The following CHGB variants were observed in gnomAD, a reference collection of about 807,000 sequenced individuals.
CHGB encodes chromogranin B.
A neutral mutation model predicts 69.9 loss-of-function variants in CHGB; 46 were observed. The observed-to-expected ratio is 0.66, with a 90% CI of 0.52 to 0.84. CHGB has a LOEUF of 0.84. CHGB is among the 40% of genes least tolerant of loss of function. The pLI is 0.00. For missense variants in CHGB, 796 were observed against 822.2 expected, an observed-to-expected ratio of 0.97 and a Z score of 0.39; for synonymous variants, 312 against 298.2, an observed-to-expected ratio of 1.05 and a Z score of -0.48.
In CHGB at chr20:5,923,659, A is replaced by G. The variant is rs768221227; in HGVS notation, c.1515A>G (p.Gln505=). Residue 505 remains glutamine (Q), a synonymous_variant, in exon 4 of 5, where the codon CAA becomes CAG. Coordinates refer to ENST00000378961, the MANE Select transcript of CHGB (RefSeq NM_001819.3). The stretch of plus-strand genomic sequence containing the variant: ...AGGAAGCTAGGTTTCAAGATAAACA[A>G]TATAGCTCCCATCACACAGCTGAAA... The part of the protein sequence containing the change: ...NREEARFQDK[Q]YSSHHTAEKR... 3.1e-6 allele frequency: 5 copies of G among 1,614,172 alleles called. No homozygotes were observed. The highest frequency in any genetic ancestry group is 4.2e-6 in the Non-Finnish European group (5 of 1,180,034).
At chr20:5,918,680 C>T (rs1441756090) in intron 3 of CHGB, among the ~76,000 whole-genome samples, 2 of 151,640 alleles carry the variant, frequency 1.3e-5, no homozygotes, top group Non-Finnish European at 2.9e-5. Flanking sequence ...GGCGTGGTGA[C>T]ACACGCCTGT....
chr20:5,920,997 C>T (rs904251866), intron 3 of CHGB, among the ~76,000 whole-genome samples: 1 of 152,034 alleles, frequency 6.6e-6, no homozygotes, highest in East Asian at 1.9e-4. Context: ...TTATCAGTGC[C>T]ACCCAATAGA....
At chr20:5,917,160 T>C in intron 3 of CHGB, 1 of 525,238 alleles carries the variant, frequency 1.9e-6, no homozygotes, top group Non-Finnish European at 3.4e-6. Flanking sequence ...CAAAGTAAAA[T>C]GAAGGAGTTG....
At position 5,911,628 on chromosome 20, in the gene CHGB, G is replaced by T. The variant is rs745962450; in HGVS notation, c.-6G>T. On this transcript the variant is annotated 5_prime_UTR_variant, in exon 1 of 5. Coordinates refer to ENST00000378961, the MANE Select transcript of CHGB (RefSeq NM_001819.3). ...CCTTTCCGCACAGGGGCCGCCGAGC[G>T]GGGCCATGCAGCCAACGCTGCTTCT... The T allele has an allele frequency of 9.2e-6, 14 of 1,516,398 alleles. No homozygotes were observed. The highest frequency in any genetic ancestry group is 2.0e-5 in the Admixed American group (1 of 49,494). 93.9% of individuals were successfully genotyped at this position (1,516,398 alleles called of 1,614,324 possible). A position where few individuals can be genotyped will look rare whatever the true frequency, so the allele number is the denominator to read the frequency against.
Position 5,923,533 on chromosome 20 carries a change from G to C in CHGB, c.1389G>C (p.Ala463=), listed in dbSNP as rs146079149. 6 of 1,614,038 alleles carry C rather than the reference G, an allele frequency of 3.7e-6. No individual in the cohort carries two copies. The highest frequency in any genetic ancestry group is 4.2e-6 in the Non-Finnish European group (5 of 1,180,046). ...MDKARRHPQG[A]WKELDRNYLN... ...AGGCAAGGAGGCATCCACAAGGTGC[G>C]TGGAAAGAGCTGGACAGAAATTATC... The change falls in exon 4 of 5, where the codon GCG becomes GCC. Residue 463 remains alanine, a synonymous_variant. Coordinates refer to ENST00000378961, the MANE Select transcript of CHGB (RefSeq NM_001819.3).
At chr20:5,913,755 G>A (rs892931838) in intron 1 of CHGB, among the ~76,000 whole-genome samples, 9 of 149,978 alleles carry the variant, frequency 6.0e-5, no homozygotes, top group African/African-American at 2.0e-4. Flanking sequence ...TCAGCCTCCC[G>A]AGTAGCTGGG....
chr20:5,912,049 T>C (rs959896205), intron 1 of CHGB, among the ~76,000 whole-genome samples: 1 of 152,196 alleles, frequency 6.6e-6, no homozygotes, highest in Non-Finnish European at 1.5e-5. Context: ...TCTGATTCTG[T>C]ATCTGTTTGG....
chr20:5,913,217 A>G (rs2088456042), intron 1 of CHGB, among the ~76,000 whole-genome samples: 1 of 152,240 alleles, frequency 6.6e-6, no homozygotes, highest in African/African-American at 2.4e-5. Flanking sequence ...CTTAATTTGT[A>G]TATCATATAA....
rs1250382725 is a variant in CHGB, at chr20:5,913,601, A to G, written c.49+1919A>G. Among the ~76,000 whole-genome samples, 5 of 146,654 alleles carry G rather than the reference A, an allele frequency of 3.4e-5. No homozygotes were observed. The South Asian group carries it at 6.5e-4, about 19-fold the overall frequency. On this transcript the variant is annotated intron_variant, in intron 1 of 4. Transcript: ENST00000378961. Reference sequence around the variant, plus strand: ...TTATTCTAGGTAAAATGGTTTCTTTATCTTTCTTTTTCTTTTCTTTTCTTT... The same window carrying G: ...TTATTCTAGGTAAAATGGTTTCTTTGTCTTTCTTTTTCTTTTCTTTTCTTT...
intron 3 of CHGB, 32 bp downstream of exon 3, chr20:5,916,951 T>A: frequency 1.3e-6 from 2 of 1,588,782 alleles, no homozygotes; most frequent in Non-Finnish European, 1.7e-6. Flanking sequence ...CAGATCTTGG[T>A]CACTGCAGTG....
rs370757045 is a variant in CHGB at position 5,923,065 on chromosome 20, C to T, written c.921C>T (p.Pro307=). 3.7e-6 allele frequency: 6 copies of T among 1,613,890 alleles called. No homozygotes were observed. The highest frequency in any genetic ancestry group is 1.3e-5 in the African/African-American group (1 of 74,890). The change falls in exon 4 of 5, where the codon CCC becomes CCT. Residue 307 remains proline, a synonymous_variant. Coordinates refer to ENST00000378961, the MANE Select transcript of CHGB (RefSeq NM_001819.3). ...TTCCCTCTGAGGAAAAGGGACACCC[C>T]CAGGAGGAATCTGAGGAGTCAAACG... ...GSLPSEEKGH[P]QEESEESNVS... is the part of the protein sequence containing the mutation.
chr20:5,923,626 A>T lies in CHGB; in HGVS notation c.1482A>T (p.Glu494Asp). ...AGGGAGACCTGCAGGACACTAAAGA[A>T]AACAGGGAGGAAGCTAGGTTTCAAG... The part of the protein sequence containing the change: ...QQQGDLQDTK[E>D]NREEARFQDK... Residue 494 changes from glutamate to aspartate, a missense_variant, in exon 4 of 5, where the codon GAA becomes GAT. Glu to Asp is a conservative substitution (Grantham distance 45, BLOSUM62 2). This residue lies in a region of CHGB where 274 missense variants were observed against 298.9 expected (regional missense o/e 0.92). Transcript: ENST00000378961. The T allele has an allele frequency of 6.2e-7, 1 of 1,614,124 alleles. No individual in the cohort carries two copies. The highest frequency in any genetic ancestry group is 8.5e-7 in the Non-Finnish European group (1 of 1,180,016).
At position 5,923,927 on chromosome 20, in the gene CHGB, C is replaced by A. The variant is rs756405420; in HGVS notation, c.1783C>A (p.Leu595Met). ...GAGAAACCTCGCCAGGGTCCCCAAG[C>A]TGGACCTGAAAAGGCAATATGACAG... is the stretch of plus-strand genomic sequence containing the variant. ...EKRNLARVPK[L>M]DLKRQYDRVA... Residue 595 changes from leucine (L) to methionine (M), a missense_variant, in exon 4 of 5, where the codon CTG (leucine) becomes ATG (methionine). Around this residue, in one of 3 missense-constraint regions of CHGB, gnomAD observed 274 missense variants for 298.9 expected, o/e 0.92. Transcript: ENST00000378961. 25 of 1,614,058 alleles carry A rather than the reference C, an allele frequency of 1.5e-5. No individual in the cohort carries two copies. The highest frequency in any genetic ancestry group is 2.1e-5 in the Non-Finnish European group (25 of 1,180,040).
In CHGB at chr20:5,911,524, A is replaced by T; in HGVS notation, c.-110A>T. On this transcript the variant is annotated 5_prime_UTR_variant, in exon 1 of 5. Coordinates refer to ENST00000378961, the MANE Select transcript of CHGB (RefSeq NM_001819.3). ...CCGGCCGCGCCACACCGCGGGGACC[A>T]GGAGGCACGCTGGTTTTCCGGGGCC... is the stretch of plus-strand genomic sequence containing the variant. 1 of 1,190,610 alleles carries T rather than the reference A, an allele frequency of 8.4e-7. No individual in the cohort carries two copies. The highest frequency in any genetic ancestry group is 1.2e-6 in the Non-Finnish European group (1 of 851,458). 73.8% of individuals were successfully genotyped at this position (1,190,610 alleles called of 1,614,324 possible).
In CHGB at chr20:5,924,082, A is replaced by G; in HGVS notation, c.1938A>G (p.Thr646=). The stretch of plus-strand genomic sequence containing the variant: ...ATGAAAAGGACAGGGCTGACCAGAC[A>G]GTCCTGACAGAGGACGAGGTATGGT... ...AENEKDRADQ[T]VLTEDEKKEL... The change falls in exon 4 of 5, where the codon ACA becomes ACG. Residue 646 remains threonine, a synonymous_variant. Transcript: ENST00000378961. The G allele has an allele frequency of 6.2e-7, 1 of 1,610,434 alleles. No homozygotes were observed. The highest frequency in any genetic ancestry group is 1.1e-5 in the South Asian group (1 of 90,842).
Position 5,911,676 on chromosome 20 carries a change from C to G in CHGB, c.43C>G (p.Leu15Val), listed in dbSNP as rs1188560344. 2.0e-6 allele frequency: 3 copies of G among 1,477,256 alleles called. No homozygotes were observed. Among genetic ancestry groups the G allele is most frequent in the Non-Finnish European group, 2.7e-6 (3 of 1,119,722 alleles). 91.5% of individuals were successfully genotyped at this position (1,477,256 alleles called of 1,614,324 possible). Residue 15 changes from leucine to valine, a missense_variant, in exon 1 of 5, where the codon CTG becomes GTG. This residue lies in a region of CHGB where 518 missense variants were observed against 506.3 expected (regional missense o/e 1.02). Transcript: ENST00000378961. Reference sequence around the variant, plus strand: ...TCTCAGCCTCCTGGGAGCCGTGGGGCTGGCGGGTGAGTGGGCGCGGCGGGC... The same window carrying G: ...TCTCAGCCTCCTGGGAGCCGTGGGGGTGGCGGGTGAGTGGGCGCGGCGGGC... Reference protein sequence around the residue: ...LLLSLLGAVGLAAVNSMPVDN... With the variant: ...LLLSLLGAVGVAAVNSMPVDN...
chr20:5,917,130 C>T (rs1050682020), intron 3 of CHGB: 10 of 582,312 alleles, frequency 1.7e-5, no homozygotes, highest in Non-Finnish European at 3.1e-5. Context: ...ATAGGAAAGA[C>T]AGTTTGCCTC....
At chr20:5,922,307 T>C in intron 3 of CHGB, 28 bp from the exon 4 acceptor site, 2 of 1,505,878 alleles carry the variant, frequency 1.3e-6, no homozygotes, top group Non-Finnish European at 1.8e-6. Context: ...AATTCTGAAA[T>C]TATACCTACT....
At chr20:5,915,487 A>G (rs2088470052) in intron 1 of CHGB, 1 of 152,228 alleles carries the variant, frequency 6.6e-6, no homozygotes, top group Admixed American at 6.5e-5. Flanking sequence ...AAAGAGAAAC[A>G]CAATGTTGAT....
Sources: gnomAD v4.1 joint callset for allele counts (sites outside exome capture counted in the v4.1 genomes callset) on GRCh38, gnomAD v4.1.1 for gene constraint, gnomAD v4.1.1 regional missense constraint, MANE v1.5 for transcripts, NCBI Gene and HGNC (gene_info 2026-07-23, HGNC 2026-07-21) for gene names.